The following CPEB1 variants were observed in gnomAD, a reference collection of about 807,000 sequenced individuals.
CPEB1 encodes the protein cytoplasmic polyadenylation element binding protein 1, also known as cytoplasmic polyadenylation element-binding protein 1.
Under a neutral mutation model 65.8 loss-of-function variants are expected in CPEB1, and 7 were observed. That is an observed-to-expected ratio of 0.11 (90% CI 0.06 to 0.20). The LOEUF (loss-of-function observed/expected upper bound fraction) is 0.20. Ranked by LOEUF, CPEB1 falls within the 10% of genes least tolerant of loss-of-function variation. The probability of loss-of-function intolerance (pLI) is 1.00; values close to 1 mark genes in which losing one functional copy is unlikely to be tolerated. For missense variants in CPEB1, 551 were observed against 712.2 expected (o/e 0.77, Z 2.58); for synonymous variants, 262 against 260.0 (o/e 1.01, Z -0.08).
chr15:82,555,689 A>G (rs1221259924), intron 6 of CPEB1, among the ~76,000 whole-genome samples, 181 bp downstream of exon 6: 2 of 152,218 alleles, frequency 1.3e-5, no homozygotes, highest in Non-Finnish European at 2.9e-5. Flanking sequence ...AGCCTCAAGA[A>G]GTTCCTGAGT....
rs536653550 is a variant in CPEB1, at chr15:82,548,341, A to T, written c.1481-1104T>A. 3.9e-5 allele frequency among the ~76,000 whole-genome samples: 6 copies of T among 152,306 alleles called. No individual in the cohort carries two copies. The East Asian group carries it at 1.2e-3, about 29-fold the overall frequency. ...AGAGTGAGACTCCATCTCAAAAAAA[A>T]AATTTTATTTAACCCTATATGTTAA... On this transcript the variant is annotated intron_variant, in intron 10 of 12. Transcript: ENST00000684509.
At chr15:82,560,619 C>T (rs1388407693) in intron 4 of CPEB1, among the ~76,000 whole-genome samples, 10 of 152,078 alleles carry the variant, frequency 6.6e-5, no homozygotes, top group Non-Finnish European at 1.5e-5. Flanking sequence ...TCTCGAACTC[C>T]TGAGCTCAAG....
At chr15:82,624,811 T>C (rs2045614281) in intron 3 of CPEB1, among the ~76,000 whole-genome samples, 1 of 149,774 alleles carries the variant, frequency 6.7e-6, no homozygotes, top group African/African-American at 2.5e-5. Flanking sequence ...TTTAAGTCAT[T>C]GTTGAATTGT....
intron 1 of CPEB1, among the ~76,000 whole-genome samples, chr15:82,630,435 T>C (rs1160524341): frequency 2.0e-5 from 3 of 152,030 alleles, no homozygotes; most frequent in Admixed American, 6.5e-5. Context: ...CGAAACCCTG[T>C]TTCTACAAAA....
chr15:82,578,089 G>A (rs1040063989), intron 3 of CPEB1, among the ~76,000 whole-genome samples: 13 of 151,996 alleles, frequency 8.6e-5, no homozygotes, highest in South Asian at 4.2e-4. Context: ...GCAGTGAGCC[G>A]AGATCGTGCC....
chr15:82,560,095 T>C (rs2037942501), intron 4 of CPEB1, among the ~76,000 whole-genome samples: 1 of 152,100 alleles, frequency 6.6e-6, no homozygotes, highest in Non-Finnish European at 1.5e-5. Flanking sequence ...AAAAAGTTCC[T>C]TGACAAACTC....
rs1291386547 is a variant in CPEB1, at chr15:82,547,508, A to C, written c.1481-271T>G. 1.3e-5 allele frequency among the ~76,000 whole-genome samples: 2 copies of C among 151,552 alleles called. 1 individual carries two copies. Among genetic ancestry groups the C allele is most frequent in the Non-Finnish European group, 2.9e-5 (2 of 67,892 alleles). On this transcript the variant is annotated intron_variant, in intron 10 of 12. Transcript: ENST00000684509. Reference sequence around the variant, plus strand: ...AGATCGGGTTTCACCATTAGCCAGCATGGTCTTGATCTCCTGACCTTGTGA... The same window carrying C: ...AGATCGGGTTTCACCATTAGCCAGCCTGGTCTTGATCTCCTGACCTTGTGA...
rs188236089 is a variant in CPEB1 at position 82,546,135 on chromosome 15, G to A, written c.1656+306C>T. Among the ~76,000 whole-genome samples, 517 of 151,304 alleles carry A rather than the reference G, an allele frequency of 3.4e-3. 4 individuals are homozygous for A. Among genetic ancestry groups the A allele is most frequent in the African/African-American group, 0.012 (491 of 41,230 alleles). ...CATAACAATTTTTTTTTTTTGACAC[G>A]GAGTCTCGCTCTGTCCCAGGCTGAA... On this transcript the variant is annotated intron_variant, in intron 12 of 12. Transcript: ENST00000684509.
intron 1 of CPEB1, among the ~76,000 whole-genome samples, chr15:82,631,883 ATTT>A (rs781133540): frequency 1.4e-5 from 2 of 142,814 alleles, no homozygotes; most frequent in African/African-American, 5.1e-5. Flanking sequence ...TCAGATTTGG[ATTT>A]TTTTTTTTTT....
Position 82,605,883 on chromosome 15 carries a change from A to G in CPEB1, c.271+21310T>C, listed in dbSNP as rs560035539. 6.6e-5 allele frequency among the ~76,000 whole-genome samples: 10 copies of G among 152,046 alleles called. No homozygotes were observed. In the South Asian group the frequency reaches 2.1e-3, roughly 32 times the overall value. On this transcript the variant is annotated intron_variant, in intron 3 of 12. Transcript: ENST00000684509. ...AAGAATCCCTGTCTCTACTAAAAATACAAAATTAGCCAGGTGTGATGCCGC... is the reference window on the plus strand; with the variant it reads ...AAGAATCCCTGTCTCTACTAAAAATGCAAAATTAGCCAGGTGTGATGCCGC...
At chr15:82,645,861 C>G (rs1270527185) in intron 1 of CPEB1, among the ~76,000 whole-genome samples, 2 of 140,650 alleles carry the variant, frequency 1.4e-5, no homozygotes, top group African/African-American at 5.1e-5. Context: ...GGGCAAGACT[C>G]CCTCTCAAAA....
chr15:82,571,716 C>T (rs1225701858), intron 3 of CPEB1, 184 bp from the exon 4 acceptor site: 2 of 1,426,942 alleles, frequency 1.4e-6, no homozygotes, highest in Admixed American at 5.8e-5. Context: ...AGTTGCCATA[C>T]AGGCCCCCTC....
intron 3 of CPEB1, among the ~76,000 whole-genome samples, chr15:82,584,258 CAAAAAAAA>C (rs71156038): frequency 1.9e-5 from 1 of 53,288 alleles, no homozygotes; most frequent in Admixed American, 3.0e-4. Context: ...GACTCCGTCT[CAAAAAAAA>C]AAAAAAAAAA....
intron 3 of CPEB1, among the ~76,000 whole-genome samples, chr15:82,577,028 A>C (rs1245792102): frequency 1.3e-5 from 2 of 152,196 alleles, no homozygotes; most frequent in Non-Finnish European, 2.9e-5. Flanking sequence ...CCGTCTCCAA[A>C]AACAGGACTC....
In CPEB1 at chr15:82,555,983, C is replaced by T; in HGVS notation, c.827G>A (p.Ser276Asn). 1 of 1,613,864 alleles carries T rather than the reference C, an allele frequency of 6.2e-7. No individual in the cohort carries two copies. Among genetic ancestry groups the T allele is most frequent in the Non-Finnish European group, 8.5e-7 (1 of 1,179,910 alleles). The change falls in exon 6 of 13, where the codon AGT becomes AAT. Residue 276 changes from serine to asparagine, a missense_variant. This residue lies in a region of CPEB1 where 128 missense variants were observed against 129.1 expected (regional missense o/e 0.99). Transcript: ENST00000684509. ...AGCTCCTGGCCATCTCTTTGAAGCA[C>T]TGGTTGGGGAGGGAGTGACTGCAGC... Reference protein sequence around the residue: ...ALAAVTPSPTSASKRWPGASV... With the variant: ...ALAAVTPSPTNASKRWPGASV...
chr15:82,553,969 G>A lies in CPEB1; in HGVS notation c.963C>T (p.Thr321=). The A allele has an allele frequency of 6.2e-7, 1 of 1,606,182 alleles. No individual in the cohort carries two copies. ...TCCGGGGAGGAAGCTGGCCACTCCA[G>A]GTACAGGTGGCTTCATTCACAGCTT... The part of the protein sequence containing the change: ...QAAAVNEATC[T]WSGQLPPRNY... The change falls in exon 7 of 13, where the codon ACC becomes ACT. Residue 321 remains threonine (T), a synonymous_variant. Coordinates refer to ENST00000684509, the MANE Select transcript of CPEB1 (RefSeq NM_001365242.1).
intron 2 of CPEB1, 120 bp downstream of exon 2, chr15:82,628,242 TCA>T (rs1186827863): frequency 1.4e-6 from 1 of 702,836 alleles, no homozygotes; most frequent in African/African-American, 1.7e-5. Flanking sequence ...GTACATGACT[TCA>T]CAGATTTACC....
At chr15:82,579,613 CA>C (rs1241762127) in intron 3 of CPEB1, among the ~76,000 whole-genome samples, 1 of 151,970 alleles carries the variant, frequency 6.6e-6, no homozygotes, top group African/African-American at 2.4e-5. Context: ...ATGTGATCAA[CA>C]AAAGACTCTC....
chr15:82,586,306 G>A (rs939030705), intron 3 of CPEB1, among the ~76,000 whole-genome samples: 1 of 149,594 alleles, frequency 6.7e-6, no homozygotes, highest in Non-Finnish European at 1.5e-5. Context: ...CTTTAAGAAT[G>A]AGTTCTTATA....
Sources: gnomAD v4.1 joint callset for allele counts (sites outside exome capture counted in the v4.1 genomes callset) on GRCh38, gnomAD v4.1.1 for gene constraint, gnomAD v4.1.1 regional missense constraint, MANE v1.5 for transcripts, NCBI Gene and HGNC (gene_info 2026-07-23, HGNC 2026-07-21) for gene names.